Variants in RBM41 observed in about 807,000 individuals in gnomAD.
RBM41 encodes RNA-binding protein 41.
Under a neutral mutation model 30.8 loss-of-function variants are expected in RBM41, and 14 were observed. The ratio of observed to expected loss-of-function variants is 0.45; its 90% CI spans 0.30 to 0.71. The LOEUF (loss-of-function observed/expected upper bound fraction) is 0.71. RBM41 is among the 30% of genes least tolerant of loss of function. The probability of loss-of-function intolerance (pLI) is 0.08; values close to 1 mark genes in which losing one functional copy is unlikely to be tolerated. For missense variants in RBM41, 276 were observed against 326.3 expected (o/e 0.85, Z 1.19); for synonymous variants, 120 against 110.1 (o/e 1.09, Z -0.56).
intron 5 of RBM41, among the ~76,000 whole-genome samples, chrX:107,107,866 G>A (rs920836163): frequency 5.4e-5 from 6 of 111,102 alleles, no homozygotes; most frequent in African/African-American, 9.8e-5. Context: ...AGAGTTATGC[G>A]AGCCAGAAGG....
chrX:107,095,603 A>G (rs960355863), intron 5 of RBM41, among the ~76,000 whole-genome samples: 2 of 111,376 alleles, frequency 1.8e-5, no homozygotes, highest in Non-Finnish European at 3.8e-5. Flanking sequence ...CTAAAAAAAA[A>G]AAAAGAAAAA....
At position 107,115,565 on chromosome X, in the gene RBM41, A is replaced by G; in HGVS notation, c.319-9T>C. On this transcript the variant is annotated splice_polypyrimidine_tract_variant and intron_variant, in intron 3 of 7. Transcript: ENST00000685964. ...GCCCTCAGTTTTGTCTTCTGAAACC[A>G]GAGGAATGAGATGGCATGTATCATA... 8.4e-7 allele frequency: 1 copy of G among 1,190,351 alleles called. No homozygotes were observed. Among genetic ancestry groups the G allele is most frequent in the Non-Finnish European group, 1.1e-6 (1 of 876,938 alleles).
chrX:107,114,890 G>A (rs1358245163), intron 4 of RBM41: 2 of 118,385 alleles, frequency 1.7e-5, no homozygotes, highest in South Asian at 6.5e-4. Context: ...ATCTAGCTTC[G>A]CCTCCCCTTC....
chrX:107,105,849 C>T (rs1418021790), intron 5 of RBM41, among the ~76,000 whole-genome samples: 2 of 111,634 alleles, frequency 1.8e-5, no homozygotes, highest in Non-Finnish European at 3.8e-5. Context: ...CTTCCTTACA[C>T]CTTATACAAA....
chrX:107,095,577 C>T (rs1216933912), intron 5 of RBM41, among the ~76,000 whole-genome samples: 1 of 107,311 alleles, frequency 9.3e-6, no homozygotes, highest in Non-Finnish European at 1.9e-5. Context: ...GCCTGGGTGA[C>T]CAAGCAAGAC....
At chrX:107,072,094 C>T (rs1936084849) in intron 6 of RBM41, among the ~76,000 whole-genome samples, 1 of 111,532 alleles carries the variant, frequency 9.0e-6, no homozygotes, top group South Asian at 3.7e-4. Flanking sequence ...AATGCTCACT[C>T]TCACCACTCT....
In RBM41 at chrX:107,063,952, C is replaced by CT. The variant is rs1202676973; in HGVS notation, c.*3574dup. Among the ~76,000 whole-genome samples, 1,014 of 90,852 alleles carry CT rather than the reference C, an allele frequency of 0.011. 10 individuals are homozygous for CT. The highest frequency in any genetic ancestry group is 0.017 in the African/African-American group (419 of 24,388). The allele number at this position is 90,852 out of a possible 115,157, so 78.9% of individuals were successfully genotyped here. On this transcript the variant is annotated 3_prime_UTR_variant, in exon 8 of 8. Coordinates refer to ENST00000685964, the MANE Select transcript of RBM41 (RefSeq NM_001324242.2). ...AGGTTAGTGCTATGGTCTTTCTTTT[C>CT]TTTTTTTTTTTTTTTTTGAGATGGA...
At chrX:107,079,805 C>G (rs1326747069) in intron 6 of RBM41, among the ~76,000 whole-genome samples, 4 of 111,744 alleles carry the variant, frequency 3.6e-5, no homozygotes, top group Non-Finnish European at 7.5e-5. Context: ...TCCCTCAAAC[C>G]CTTGGCAGTC....
chrX:107,101,569 ATAATC>A (rs1320181893), intron 5 of RBM41, among the ~76,000 whole-genome samples: 1 of 111,745 alleles, frequency 8.9e-6, no homozygotes, highest in African/African-American at 3.3e-5. Context: ...GATTAGAGAG[ATAATC>A]TAAGAACTGC....
At chrX:107,099,197 A>G (rs1351831524) in intron 5 of RBM41, among the ~76,000 whole-genome samples, 1 of 111,674 alleles carries the variant, frequency 9.0e-6, no homozygotes, top group Non-Finnish European at 1.9e-5. Flanking sequence ...AATAATAAAA[A>G]GACTGGTACA....
intron 5 of RBM41, among the ~76,000 whole-genome samples, chrX:107,092,112 A>T (rs1922591925): frequency 8.9e-6 from 1 of 111,810 alleles, no homozygotes; most frequent in Non-Finnish European, 1.9e-5. Flanking sequence ...TGTAGGAGTT[A>T]TACTATTCTA....
chrX:107,057,579 T>C (rs2147847574), downstream of RBM41, among the ~76,000 whole-genome samples: 1 of 112,306 alleles, frequency 8.9e-6, no homozygotes, highest in African/African-American at 3.2e-5. Context: ...TCCTAGAGAA[T>C]AGTCTTCCAT....
At chrX:107,107,579 T>C (rs1236706566) in intron 5 of RBM41, among the ~76,000 whole-genome samples, 1 of 111,798 alleles carries the variant, frequency 8.9e-6, no homozygotes. Flanking sequence ...TTATGTTTTC[T>C]TTCTAGCAGT....
chrX:107,053,657 T>C, the RBM41 span, among the ~76,000 whole-genome samples: 1 of 110,403 alleles, frequency 9.1e-6, no homozygotes, highest in Admixed American at 9.6e-5. Flanking sequence ...CGAGTATGGG[T>C]ACGGAGGGTT....
intron 6 of RBM41, among the ~76,000 whole-genome samples, chrX:107,083,930 T>A (rs1383941136): frequency 9.2e-6 from 1 of 109,168 alleles, no homozygotes; most frequent in African/African-American, 3.3e-5. Flanking sequence ...TTTTTTTTTT[T>A]TAGCATACGT....
rs1935733380 is a variant in RBM41 at position 107,063,803 on chromosome X, G to C, written c.*3724C>G. ...TATAGAATCAACTTTTGGTTGCATT[G>C]ATTTTTCTCTACTTTTCTTCACTCT... is the stretch of plus-strand genomic sequence containing the variant. On this transcript the variant is annotated 3_prime_UTR_variant, in exon 8 of 8. Coordinates refer to ENST00000685964, the MANE Select transcript of RBM41 (RefSeq NM_001324242.2). Among the ~76,000 whole-genome samples, 2 of 110,392 alleles carry C rather than the reference G, an allele frequency of 1.8e-5. No homozygotes were observed. The highest frequency in any genetic ancestry group is 7.6e-4 in the South Asian group (2 of 2,632).
chrX:107,077,755 T>C (rs1921117699), intron 6 of RBM41, among the ~76,000 whole-genome samples: 1 of 111,794 alleles, frequency 8.9e-6, no homozygotes, highest in Admixed American at 9.5e-5. Flanking sequence ...TCATGTAATA[T>C]AGCCCTTTAT....
chrX:107,059,211 A>G (rs1935607802), downstream of RBM41, among the ~76,000 whole-genome samples: 2 of 111,081 alleles, frequency 1.8e-5, no homozygotes, highest in Admixed American at 1.9e-4. Flanking sequence ...TCCTCAAACC[A>G]TCACATTGGG....
rs1254116321 is a variant in RBM41, at chrX:107,069,516, G to A, written c.1000-114C>T. 31 of 847,659 alleles carry A rather than the reference G, an allele frequency of 3.7e-5. No homozygotes were observed. In the Admixed American group the frequency reaches 4.4e-4, roughly 12 times the overall value. The allele number at this position is 847,659 out of a possible 1,213,427, so 69.9% of individuals were successfully genotyped here. On this transcript the variant is annotated intron_variant, in intron 6 of 7. Transcript: ENST00000685964. Reference sequence around the variant, plus strand: ...GTCACCCAGGCTGGAGTGCAGTGGCGCAATCTCTGCTCACTGCAACCTTGG... The same window carrying A: ...GTCACCCAGGCTGGAGTGCAGTGGCACAATCTCTGCTCACTGCAACCTTGG...
Sources: gnomAD v4.1 joint callset for allele counts (sites outside exome capture counted in the v4.1 genomes callset) on GRCh38, gnomAD v4.1.1 for gene constraint, MANE v1.5 for transcripts, NCBI Gene and HGNC (gene_info 2026-07-23, HGNC 2026-07-21) for gene names.